The following EXOC6 variants were observed in gnomAD, a reference collection of about 807,000 sequenced individuals.
The protein encoded by EXOC6 is SEC15-like 1.
EXOC6 carries 60 observed loss-of-function variants against 112.5 expected under a neutral mutation model. The observed-to-expected ratio is 0.53, with a 90% CI of 0.43 to 0.66. EXOC6 has a LOEUF of 0.66. EXOC6 is among the 30% of genes least tolerant of loss of function. EXOC6 has a pLI of 0.00. For synonymous variants in EXOC6, 295 were observed against 308.0 expected (o/e 0.96, Z 0.44); for missense variants, 855 against 957.1 (o/e 0.89, Z 1.41).
At chr10:92,964,435 A>G (rs1166590739) in intron 17 of EXOC6, among the ~76,000 whole-genome samples, 1 of 152,148 alleles carries the variant, frequency 6.6e-6, no homozygotes. Flanking sequence ...TTAGGTCAAG[A>G]TAATGGATTA....
In EXOC6 at chr10:92,896,067, A is replaced by G. The variant is rs1446341349; in HGVS notation, c.412+1047A>G. Among the ~76,000 whole-genome samples the G allele has an allele frequency of 3.1e-4, 17 of 54,180 alleles. No homozygotes were observed. In the East Asian group the frequency reaches 4.8e-3, roughly 15 times the overall value. The allele number at this position is 54,180 out of a possible 152,430, so 35.5% of individuals were successfully genotyped here. On this transcript the variant is annotated intron_variant, in intron 4 of 21. Transcript: ENST00000260762. ...TATGTGTATATATATGTGTATATAT[A>G]TGTGTATATATATGTGTATATATAT...
chr10:93,050,703 T>C (rs1846237692), intron 20 of EXOC6, among the ~76,000 whole-genome samples: 1 of 131,998 alleles, frequency 7.6e-6, no homozygotes, highest in African/African-American at 2.9e-5. Context: ...GAGGTTGCAG[T>C]GAGCCGAGAT....
At chr10:92,860,891 A>G (rs1232024615) in intron 1 of EXOC6, among the ~76,000 whole-genome samples, 1 of 151,080 alleles carries the variant, frequency 6.6e-6, no homozygotes, top group African/African-American at 2.5e-5. Context: ...CCTTTTGACT[A>G]TTGTGAATAA....
chr10:93,022,020 G>A (rs565090955), intron 20 of EXOC6, among the ~76,000 whole-genome samples: 1 of 152,208 alleles, frequency 6.6e-6, no homozygotes, highest in East Asian at 1.9e-4. Context: ...GTTTAATGGA[G>A]ATTAAAACAC....
upstream of EXOC6, among the ~76,000 whole-genome samples, chr10:92,832,053 T>C (rs1268609950): frequency 1.3e-5 from 2 of 152,230 alleles, no homozygotes; most frequent in Admixed American, 1.3e-4. Flanking sequence ...TGAATTTTCT[T>C]CTCTTCAATG....
chr10:92,988,747 G>A (rs2134147445), intron 18 of EXOC6, among the ~76,000 whole-genome samples: 1 of 151,412 alleles, frequency 6.6e-6, no homozygotes, highest in East Asian at 2.0e-4. Flanking sequence ...ATCACTTGAG[G>A]CCAGGAGTTC....
intron 20 of EXOC6, among the ~76,000 whole-genome samples, chr10:93,020,573 T>G (rs957606174): frequency 6.6e-6 from 1 of 152,162 alleles, no homozygotes; most frequent in African/African-American, 2.4e-5. Context: ...GAGGCCTAGC[T>G]TCGAGGGCCC....
At chr10:92,969,081 A>T (rs1441737701) in intron 17 of EXOC6, among the ~76,000 whole-genome samples, 1 of 152,094 alleles carries the variant, frequency 6.6e-6, no homozygotes, top group African/African-American at 2.4e-5. Context: ...TGACCAAGAG[A>T]GTACAGTAAA....
At chr10:93,057,880 T>A (rs1356644609) in intron 21 of EXOC6, among the ~76,000 whole-genome samples, 1 of 152,188 alleles carries the variant, frequency 6.6e-6, no homozygotes, top group Non-Finnish European at 1.5e-5. Context: ...CCTTTCACCT[T>A]ATCTTGCTAT....
chr10:92,849,163 C>A (rs966290383), intron 1 of EXOC6, among the ~76,000 whole-genome samples: 2 of 152,164 alleles, frequency 1.3e-5, no homozygotes, highest in Non-Finnish European at 2.9e-5. Context: ...CGCTTTCCCC[C>A]TACTCCCCCG....
At position 92,827,474 on chromosome 10, in the gene EXOC6, C is replaced by CAAAAAAAAAAAAAAA. The variant is rs60863083; in HGVS notation, c.-27+548_-27+562dup. On this transcript the variant is annotated intron_variant, in intron 1 of 22. Transcript: ENST00000671701. The stretch of plus-strand genomic sequence containing the variant: ...GGGCGACAGAGTGAGGCCCTGTTGC[C>CAAAAAAAAAAAAAAA]AAAAAAAAAAAAAAAAAAAAAAAAA... 2.1e-4 allele frequency among the ~76,000 whole-genome samples: 7 copies of CAAAAAAAAAAAAAAA among 33,208 alleles called. 1 individual carries two copies. The highest frequency in any genetic ancestry group is 2.7e-3 in the South Asian group (1 of 374). The allele number at this position is 33,208 out of a possible 152,430, so 21.8% of individuals were successfully genotyped here. A position where few individuals can be genotyped will look rare whatever the true frequency, so the allele number is the denominator to read the frequency against.
intron 17 of EXOC6, among the ~76,000 whole-genome samples, chr10:92,962,210 G>A (rs1378995884): frequency 6.6e-6 from 1 of 152,090 alleles, no homozygotes; most frequent in Admixed American, 6.6e-5. Flanking sequence ...GAAATATTCT[G>A]TCTTGTCTAA....
At chr10:92,889,343 T>C (rs1849379781) in intron 1 of EXOC6, among the ~76,000 whole-genome samples, 1 of 152,202 alleles carries the variant, frequency 6.6e-6, no homozygotes, top group Non-Finnish European at 1.5e-5. Flanking sequence ...GTTTTAGGTT[T>C]CTAGCAAGAT....
intron 19 of EXOC6, among the ~76,000 whole-genome samples, chr10:93,009,319 C>A (rs924394975): frequency 1.3e-5 from 2 of 152,190 alleles, no homozygotes; most frequent in East Asian, 3.8e-4. Context: ...AATCAACAAG[C>A]TACATAATAT....
chr10:92,942,068 T>A (rs1366942118), intron 13 of EXOC6, among the ~76,000 whole-genome samples: 2 of 152,176 alleles, frequency 1.3e-5, no homozygotes, highest in African/African-American at 4.8e-5. Flanking sequence ...CTTTCAAAAC[T>A]ATGGAGATTG....
At chr10:93,051,121 A>C (rs1846272993) in intron 20 of EXOC6, among the ~76,000 whole-genome samples, 1 of 150,444 alleles carries the variant, frequency 6.6e-6, no homozygotes, top group African/African-American at 2.5e-5. Flanking sequence ...GTGTAAATCC[A>C]ATTATGTAAA....
chr10:92,972,349 C>T (rs901659958), intron 17 of EXOC6, among the ~76,000 whole-genome samples: 1 of 151,956 alleles, frequency 6.6e-6, no homozygotes, highest in Admixed American at 6.6e-5. Context: ...AATTGCAAAA[C>T]AAAAAAGTAC....
intron 1 of EXOC6, among the ~76,000 whole-genome samples, chr10:92,859,064 C>G (rs1388981302): frequency 2.6e-5 from 4 of 152,182 alleles, no homozygotes; most frequent in Non-Finnish European, 5.9e-5. Flanking sequence ...AGCGCCTGGC[C>G]ACTGTTGCGT....
chr10:92,914,303 G>T (rs1184689603), intron 6 of EXOC6, among the ~76,000 whole-genome samples: 1 of 152,188 alleles, frequency 6.6e-6, no homozygotes, highest in Non-Finnish European at 1.5e-5. Flanking sequence ...TGCAAAAAAA[G>T]CCTGGGGACC....
Sources: allele counts gnomAD v4.1 joint callset (sites outside exome capture counted in the v4.1 genomes callset), GRCh38; gene constraint gnomAD v4.1.1; transcripts MANE v1.5; gene names NCBI Gene and HGNC (gene_info 2026-07-23, HGNC 2026-07-21).